Variants in CTNNA2 observed in about 807,000 individuals in gnomAD.
CTNNA2 encodes the protein catenin alpha 2.
Under a neutral mutation model 101.0 loss-of-function variants are expected in CTNNA2, and 42 were observed. That is an observed-to-expected ratio of 0.42 (90% CI 0.32 to 0.54). The LOEUF (loss-of-function observed/expected upper bound fraction) is 0.54, where lower values mean the gene tolerates loss of function less well. CTNNA2 is among the 20% of genes least tolerant of loss of function. The pLI, the probability that CTNNA2 is intolerant of heterozygous loss-of-function variation, is 0.14. For synonymous variants in CTNNA2, 450 were observed against 456.4 expected, an observed-to-expected ratio of 0.99 and a Z score of 0.18; for missense variants, 871 against 1,223.1, an observed-to-expected ratio of 0.71 and a Z score of 4.29.
intron 7 of CTNNA2, among the ~76,000 whole-genome samples, chr2:80,268,907 C>G (rs73938259): frequency 0.01 from 1,536 of 152,306 alleles, 24 homozygotes; most frequent in African/African-American, 0.035. Flanking sequence ...GCTCCATACT[C>G]TCCTGCAACC....
chr2:79,942,452 G>C (rs181214355), intron 7 of CTNNA2, among the ~76,000 whole-genome samples: 1 of 152,126 alleles, frequency 6.6e-6, no homozygotes, highest in Admixed American at 6.5e-5. Flanking sequence ...TAGGAGACAC[G>C]AAGAAAACAA....
At chr2:80,643,057 C>T (rs1673666111) in intron 18 of CTNNA2, among the ~76,000 whole-genome samples, 1 of 152,082 alleles carries the variant, frequency 6.6e-6, no homozygotes, top group Admixed American at 6.6e-5. Flanking sequence ...TGGGAGGAAA[C>T]ATCTGTTTTC....
intron 1 of CTNNA2, among the ~76,000 whole-genome samples, chr2:79,577,954 T>C (rs968052396): frequency 6.6e-6 from 1 of 152,210 alleles, no homozygotes; most frequent in Non-Finnish European, 1.5e-5. Flanking sequence ...CTGAAAAGTA[T>C]TCAAACAGAT....
intron 2 of CTNNA2, among the ~76,000 whole-genome samples, chr2:79,274,701 A>C (rs1180246649): frequency 6.6e-6 from 1 of 152,050 alleles, no homozygotes; most frequent in African/African-American, 2.4e-5. Flanking sequence ...TATTATGTGG[A>C]TCCTTTTAAA....
chr2:79,768,398 A>G (rs113913686), intron 3 of CTNNA2, among the ~76,000 whole-genome samples: 12 of 151,244 alleles, frequency 7.9e-5, no homozygotes, highest in Non-Finnish European at 1.5e-4. Flanking sequence ...ACCAGGTACT[A>G]TGAGGTGTCA....
intron 3 of CTNNA2, among the ~76,000 whole-genome samples, chr2:79,363,517 T>C (rs974463656): frequency 1.3e-5 from 2 of 151,684 alleles, no homozygotes; most frequent in Non-Finnish European, 2.9e-5. Flanking sequence ...TGTCTCTTTG[T>C]AGGTATTTAT....
chr2:79,250,577 C>T (rs1674757976), intron 2 of CTNNA2, among the ~76,000 whole-genome samples: 1 of 152,180 alleles, frequency 6.6e-6, no homozygotes, highest in Non-Finnish European at 1.5e-5. Flanking sequence ...GGTAGCTTTT[C>T]TGGATTTGCG....
At chr2:79,488,479 A>G (rs956761005) in intron 4 of CTNNA2, among the ~76,000 whole-genome samples, 2 of 152,138 alleles carry the variant, frequency 1.3e-5, no homozygotes, top group African/African-American at 4.8e-5. Context: ...GTTCCTGAGG[A>G]CAGAAATGAT....
intron 1 of CTNNA2, among the ~76,000 whole-genome samples, chr2:79,594,245 A>C (rs1490562513): frequency 6.6e-6 from 1 of 150,546 alleles, no homozygotes; most frequent in African/African-American, 2.4e-5. Flanking sequence ...TTTTTTCTAA[A>C]CCCCCCTACT....
chr2:79,641,342 C>A (rs1017905230), intron 1 of CTNNA2, among the ~76,000 whole-genome samples: 1 of 152,054 alleles, frequency 6.6e-6, no homozygotes, highest in African/African-American at 2.4e-5. Context: ...AGTTATTGCA[C>A]AAGAAATTCT....
intron 4 of CTNNA2, among the ~76,000 whole-genome samples, chr2:79,866,951 A>G (rs1360312349): frequency 1.3e-5 from 2 of 152,188 alleles, no homozygotes; most frequent in Non-Finnish European, 2.9e-5. Flanking sequence ...CTTGCCAATG[A>G]CATCGTTGGG....
intron 3 of CTNNA2, among the ~76,000 whole-genome samples, chr2:79,816,408 T>G (rs1178359271): frequency 2.6e-5 from 4 of 152,160 alleles, no homozygotes; most frequent in African/African-American, 9.7e-5. Flanking sequence ...AGAAAACCCA[T>G]AACACTTTTA....
chr2:80,517,195 A>G (rs919974082), intron 9 of CTNNA2, among the ~76,000 whole-genome samples: 1 of 152,230 alleles, frequency 6.6e-6, no homozygotes, highest in Non-Finnish European at 1.5e-5. Flanking sequence ...ATCAGGGTGG[A>G]GGAAAGCATT....
chr2:80,136,244 C>G (rs1193674954), intron 7 of CTNNA2, among the ~76,000 whole-genome samples: 1 of 152,106 alleles, frequency 6.6e-6, no homozygotes, highest in Non-Finnish European at 1.5e-5. Context: ...AGCATTGTAT[C>G]ATTGTCCAGG....
At chr2:80,118,828 T>C (rs1400581013) in intron 7 of CTNNA2, among the ~76,000 whole-genome samples, 1 of 152,250 alleles carries the variant, frequency 6.6e-6, no homozygotes, top group Non-Finnish European at 1.5e-5. Context: ...GCTTGTCTGC[T>C]GCAGAAGAGC....
chr2:79,321,109 A>C (rs1676612900), intron 3 of CTNNA2, among the ~76,000 whole-genome samples: 1 of 152,182 alleles, frequency 6.6e-6, no homozygotes, highest in African/African-American at 2.4e-5. Flanking sequence ...TATTTTCCAG[A>C]AACCATCTTA....
intron 18 of CTNNA2, among the ~76,000 whole-genome samples, chr2:80,620,487 C>T (rs1671003377): frequency 6.6e-6 from 1 of 151,800 alleles, no homozygotes; most frequent in South Asian, 2.1e-4. Flanking sequence ...TTATTTGATA[C>T]CTAAGTTTTC....
At position 79,967,108 on chromosome 2, in the gene CTNNA2, G is replaced by A. The variant is rs914664750; in HGVS notation, c.1056+57311G>A. On this transcript the variant is annotated intron_variant, in intron 7 of 18. Coordinates refer to ENST00000402739, the MANE Select transcript of CTNNA2 (RefSeq NM_001282597.3). Reference sequence around the variant, plus strand: ...TGCTCAAGCCTATGCGTGCACACACGCGCACGCACGTGTGTGTGTGTGTGT... The same window carrying A: ...TGCTCAAGCCTATGCGTGCACACACACGCACGCACGTGTGTGTGTGTGTGT... Among the ~76,000 whole-genome samples, 121 of 71,226 alleles carry A rather than the reference G, an allele frequency of 1.7e-3. 1 individual carries two copies. Among genetic ancestry groups the A allele is most frequent in the African/African-American group, 4.9e-3 (94 of 19,270 alleles). The allele number at this position is 71,226 out of a possible 152,430, so 46.7% of individuals were successfully genotyped here. A position where few individuals can be genotyped will look rare whatever the true frequency, so the allele number is the denominator to read the frequency against.
intron 3 of CTNNA2, among the ~76,000 whole-genome samples, chr2:79,750,871 C>CAAA (rs561864179): frequency 2.6e-5 from 3 of 113,456 alleles, no homozygotes; most frequent in African/African-American, 2.9e-5. Flanking sequence ...GACTCTGTCT[C>CAAA]AAAAAAAAAA....
Sources: gnomAD v4.1 joint callset for allele counts (sites outside exome capture counted in the v4.1 genomes callset) on GRCh38, gnomAD v4.1.1 for gene constraint, MANE v1.5 for transcripts, NCBI Gene and HGNC (gene_info 2026-07-23, HGNC 2026-07-21) for gene names.